PPP2R2B: variants seen among roughly 807,000 people sequenced by gnomAD.
PPP2R2B encodes serine/threonine-protein phosphatase 2A 55 kDa regulatory subunit B beta isoform.
A neutral mutation model predicts 46.0 loss-of-function variants in PPP2R2B; 5 were observed. That is an observed-to-expected ratio of 0.11 (90% CI 0.06 to 0.23). The LOEUF (loss-of-function observed/expected upper bound fraction) is 0.23, where lower values mean the gene tolerates loss of function less well. PPP2R2B is among the 10% of genes least tolerant of loss of function. The pLI is 1.00. For missense variants in PPP2R2B, 367 were observed against 575.0 expected (o/e 0.64, Z 3.70); for synonymous variants, 215 against 206.7 (o/e 1.04, Z -0.34).
intron 9 of PPP2R2B, among the ~76,000 whole-genome samples, 159 bp downstream of exon 9, chr5:146,592,812 C>T (rs1770793365): frequency 6.6e-6 from 1 of 152,180 alleles, no homozygotes; most frequent in Non-Finnish European, 1.5e-5. Flanking sequence ...TCTTTCCAGC[C>T]TTGACTTCAA....
At position 146,781,131 on chromosome 5, in the gene PPP2R2B, G is replaced by GATATATATATATATATATATATAT. The variant is rs56697862; in HGVS notation, c.71-80013_71-79990dup. 1.6e-4 allele frequency among the ~76,000 whole-genome samples: 8 copies of GATATATATATATATATATATATAT among 49,460 alleles called. 1 individual carries two copies. The highest frequency in any genetic ancestry group is 2.7e-4 in the Admixed American group (1 of 3,726). 32.4% of individuals were successfully genotyped at this position (49,460 alleles called of 152,430 possible). On this transcript the variant is annotated intron_variant, in intron 2 of 9. Transcript: ENST00000394411. ...TCACTTACATACATAATGCCACCAT[G>GATATATATATATATATATATATAT]ATATATATATATATATATATATATA... is the stretch of plus-strand genomic sequence containing the variant.
chr5:146,781,131 GATATATATATATAT>G (rs56697862), intron 2 of PPP2R2B, among the ~76,000 whole-genome samples: 4,892 of 49,468 alleles, frequency 0.099, 455 homozygotes, highest in Admixed American at 0.18. Context: ...ATGCCACCAT[GATATATATATATAT>G]ATATATATAT....
chr5:146,736,150 C>T (rs1042905422), intron 2 of PPP2R2B, among the ~76,000 whole-genome samples: 5 of 152,148 alleles, frequency 3.3e-5, no homozygotes, highest in African/African-American at 1.2e-4. Flanking sequence ...ACTGGGCACA[C>T]ATTATTCTCC....
chr5:146,928,512 A>G (rs970765167), intron 1 of PPP2R2B, among the ~76,000 whole-genome samples: 3 of 152,076 alleles, frequency 2.0e-5, no homozygotes, highest in African/African-American at 2.4e-5. Flanking sequence ...CTCTCATACC[A>G]TCAGGAAATT....
chr5:146,918,396 T>A (rs978474825), intron 1 of PPP2R2B: 1 of 152,192 alleles, frequency 6.6e-6, no homozygotes, highest in African/African-American at 2.4e-5. Context: ...ATACTTAGAA[T>A]GATGAAGTTG....
At chr5:146,840,953 A>G (rs550194139) in intron 2 of PPP2R2B, among the ~76,000 whole-genome samples, 30 of 152,354 alleles carry the variant, frequency 2.0e-4, no homozygotes, top group African/African-American at 7.2e-4. Context: ...AAAGAGATGA[A>G]ACAAGACAAA....
intron 1 of PPP2R2B, among the ~76,000 whole-genome samples, chr5:146,946,909 TA>T (rs1299546320): frequency 6.6e-6 from 1 of 151,926 alleles, no homozygotes; most frequent in Non-Finnish European, 1.5e-5. Context: ...TAGACAGCTT[TA>T]AAAAATACTC....
chr5:146,596,654 C>T (rs1771198781), intron 8 of PPP2R2B, among the ~76,000 whole-genome samples: 1 of 152,200 alleles, frequency 6.6e-6, no homozygotes, highest in African/African-American at 2.4e-5. Context: ...TAAGGTTTGT[C>T]TTATGCAGCT....
chr5:146,730,306 C>T (rs1420364342), intron 2 of PPP2R2B, among the ~76,000 whole-genome samples: 1 of 152,148 alleles, frequency 6.6e-6, no homozygotes, highest in Non-Finnish European at 1.5e-5. Flanking sequence ...AAGTAACTAG[C>T]TTGCTTTTGA....
intron 2 of PPP2R2B, among the ~76,000 whole-genome samples, chr5:147,072,044 G>A (rs1580884880): frequency 6.6e-6 from 1 of 152,104 alleles, no homozygotes; most frequent in Non-Finnish European, 1.5e-5. Flanking sequence ...TGCATCCAGG[G>A]GAAGATGAGC....
At chr5:146,970,527 C>G (rs1433180991) in intron 1 of PPP2R2B, among the ~76,000 whole-genome samples, 1 of 151,818 alleles carries the variant, frequency 6.6e-6, no homozygotes, top group African/African-American at 2.4e-5. Context: ...ACCTGGGAGG[C>G]TGGAGGTTAA....
At chr5:146,606,520 C>T (rs715891) in intron 7 of PPP2R2B, among the ~76,000 whole-genome samples, 11,084 of 152,230 alleles carry the variant, frequency 0.073, 529 homozygotes, top group East Asian at 0.24. Context: ...TGTTCTAGGG[C>T]GGTTGTGAGA....
intron 1 of PPP2R2B, among the ~76,000 whole-genome samples, chr5:147,051,707 C>G (rs983598835): frequency 1.3e-5 from 2 of 149,624 alleles, no homozygotes; most frequent in African/African-American, 4.9e-5. Flanking sequence ...AAGTACCAGG[C>G]AAGGTTCCTT....
intron 1 of PPP2R2B, among the ~76,000 whole-genome samples, chr5:146,969,310 T>C (rs1386966931): frequency 6.6e-6 from 1 of 151,972 alleles, no homozygotes; most frequent in East Asian, 1.9e-4. Context: ...AGGACTGGAG[T>C]GAAACCAGAT....
At chr5:146,906,195 C>T (rs1276443907) in intron 1 of PPP2R2B, among the ~76,000 whole-genome samples, 2 of 151,654 alleles carry the variant, frequency 1.3e-5, no homozygotes, top group South Asian at 2.1e-4. Context: ...TAAAGTAGCT[C>T]CTTAATATAT....
intron 2 of PPP2R2B, among the ~76,000 whole-genome samples, chr5:146,737,907 T>C (rs762108055): frequency 6.6e-5 from 10 of 151,780 alleles, no homozygotes; most frequent in Non-Finnish European, 1.2e-4. Context: ...GCCACTGCAC[T>C]CCAGCCTGGG....
intron 7 of PPP2R2B, among the ~76,000 whole-genome samples, chr5:146,617,336 T>G (rs1034434773): frequency 6.6e-6 from 1 of 152,150 alleles, no homozygotes; most frequent in Admixed American, 6.5e-5. Flanking sequence ...TTAATTTAAT[T>G]GCACATTTAA....
At chr5:147,068,251 T>C (rs145095401) in intron 2 of PPP2R2B, among the ~76,000 whole-genome samples, 2 of 152,292 alleles carry the variant, frequency 1.3e-5, no homozygotes, top group East Asian at 3.9e-4. Flanking sequence ...GACAAGCCTA[T>C]GAAGGAGAAA....
intron 2 of PPP2R2B, among the ~76,000 whole-genome samples, chr5:146,716,287 T>C (rs941377675): frequency 5.9e-5 from 9 of 152,210 alleles, no homozygotes; most frequent in African/African-American, 2.2e-4. Context: ...ACTGTAACTC[T>C]TTGTACTTTT....
Sources: allele counts gnomAD v4.1 joint callset (sites outside exome capture counted in the v4.1 genomes callset), GRCh38; gene constraint gnomAD v4.1.1; transcripts MANE v1.5; gene names NCBI Gene and HGNC (gene_info 2026-07-23, HGNC 2026-07-21).